UBE2K: variants seen among roughly 807,000 people sequenced by gnomAD.
The protein encoded by UBE2K is ubiquitin conjugating enzyme E2 K.
Under a neutral mutation model 30.0 loss-of-function variants are expected in UBE2K, and 6 were observed. The ratio of observed to expected loss-of-function variants is 0.20; its 90% CI spans 0.11 to 0.39. The LOEUF (loss-of-function observed/expected upper bound fraction) is 0.39, where lower values mean the gene tolerates loss of function less well. Among genes scored for constraint, UBE2K ranks in the 10% least tolerant of loss-of-function variants. The pLI, the probability that UBE2K is intolerant of heterozygous loss-of-function variation, is 1.00. For synonymous variants in UBE2K, 86 were observed against 83.7 expected (o/e 1.03, Z -0.15); for missense variants, 61 against 241.6 (o/e 0.25, Z 4.96).
chr4:39,715,183 G>A (rs866106609), intron 1 of UBE2K, among the ~76,000 whole-genome samples: 11 of 151,440 alleles, frequency 7.3e-5, no homozygotes, highest in South Asian at 4.2e-4. Flanking sequence ...CCGCCACCAC[G>A]CCCGGATAAT....
At chr4:39,739,716 AT>A (rs777430297) in intron 2 of UBE2K, among the ~76,000 whole-genome samples, 2 of 152,030 alleles carry the variant, frequency 1.3e-5, no homozygotes, top group Admixed American at 6.6e-5. Flanking sequence ...AAGTGCTGAG[AT>A]TACAGGCGTG....
chr4:39,752,952 T>G (rs920069719), intron 3 of UBE2K, among the ~76,000 whole-genome samples: 3 of 152,022 alleles, frequency 2.0e-5, no homozygotes, highest in Non-Finnish European at 4.4e-5. Context: ...CCCAGAAGGT[T>G]AGGACTGCAG....
chr4:39,748,637 AAAAAG>A (rs1721102908), intron 3 of UBE2K, among the ~76,000 whole-genome samples: 1 of 150,908 alleles, frequency 6.6e-6, no homozygotes, highest in African/African-American at 2.4e-5. Context: ...AAAAAAAAAG[AAAAAG>A]AAAAGCCTCT....
intron 4 of UBE2K, chr4:39,770,903 C>T: frequency 6.5e-7 from 1 of 1,548,460 alleles, no homozygotes; most frequent in Non-Finnish European, 8.7e-7. Flanking sequence ...GCTTCACTGG[C>T]CGCAGGAGTG....
chr4:39,742,890 A>G (rs1027824047), intron 2 of UBE2K, among the ~76,000 whole-genome samples: 12 of 152,162 alleles, frequency 7.9e-5, no homozygotes, highest in Admixed American at 7.9e-4. Context: ...TACTAAAAAT[A>G]CAAAAATTAG....
At chr4:39,746,437 A>G (rs1034446340) in intron 3 of UBE2K, among the ~76,000 whole-genome samples, 6 of 152,248 alleles carry the variant, frequency 3.9e-5, no homozygotes, top group East Asian at 3.9e-4. Context: ...TAGGCATTCA[A>G]CTTTATTCCC....
intron 4 of UBE2K, among the ~76,000 whole-genome samples, chr4:39,773,514 A>G (rs1006667279): frequency 6.6e-6 from 1 of 152,066 alleles, no homozygotes; most frequent in South Asian, 2.1e-4. Context: ...GTTTCATAGT[A>G]TCTTGTTTTT....
rs1560367795 is a variant in UBE2K, at chr4:39,752,329, TTTTTTC to T, written c.217-3322_217-3317del. 1.8e-4 allele frequency among the ~76,000 whole-genome samples: 19 copies of T among 102,776 alleles called. 1 individual carries two copies. The highest frequency in any genetic ancestry group is 6.4e-4 in the African/African-American group (17 of 26,750). The allele number at this position is 102,776 out of a possible 152,430, so 67.4% of individuals were successfully genotyped here. ...CTGGCTAATTTTTTTTTTTTTCTTT[TTTTTTC>T]TTTTTTTTTTTTTTTTTTTGAGACG... On this transcript the variant is annotated intron_variant, in intron 3 of 6. Transcript: ENST00000261427.
chr4:39,770,255 C>T lies in UBE2K; in HGVS notation c.300-4579C>T, dbSNP rs552429880. ...CCGAGTGCAGGTTGAGGTGGTCGTGCAGGGTGGACTTCTGTGTGAAGCACT... is the reference window on the plus strand; with the variant it reads ...CCGAGTGCAGGTTGAGGTGGTCGTGTAGGGTGGACTTCTGTGTGAAGCACT... On this transcript the variant is annotated intron_variant, in intron 4 of 6. Transcript: ENST00000261427. The T allele has an allele frequency of 1.0e-5, 16 of 1,605,642 alleles. No homozygotes were observed. In the South Asian group the frequency reaches 1.7e-4, roughly 17 times the overall value.
At position 39,715,150 on chromosome 4, in the gene UBE2K, C is replaced by T. The variant is rs955437584; in HGVS notation, c.63+16760C>T. On this transcript the variant is annotated intron_variant, in intron 1 of 6. Coordinates refer to ENST00000261427, the MANE Select transcript of UBE2K (RefSeq NM_005339.5). ...ACGCCATTCTTCTGCCTCAGCCTCCCGAGTAGCTGGGACTACAGGCGCCCG... is the reference window on the plus strand; with the variant it reads ...ACGCCATTCTTCTGCCTCAGCCTCCTGAGTAGCTGGGACTACAGGCGCCCG... 4.6e-5 allele frequency among the ~76,000 whole-genome samples: 7 copies of T among 151,568 alleles called. No individual in the cohort carries two copies. In the South Asian group the frequency reaches 1.0e-3, roughly 23 times the overall value.
chr4:39,702,221 CTTTTCTTTTCTTTTTTTTTTT>C (rs1718055849), intron 1 of UBE2K, among the ~76,000 whole-genome samples: 1 of 58,644 alleles, frequency 1.7e-5, no homozygotes. Flanking sequence ...CTTTTCTTTT[CTTTTCTTTTCTTTTTTTTTTT>C]TTTTTTTTTT....
At chr4:39,705,778 C>T (rs1718323030) in intron 1 of UBE2K, among the ~76,000 whole-genome samples, 1 of 152,018 alleles carries the variant, frequency 6.6e-6, no homozygotes, top group African/African-American at 2.4e-5. Flanking sequence ...ACCTCCGCCT[C>T]CCAGGTTCAA....
chr4:39,771,305 G>C (rs201711691), intron 4 of UBE2K: 49 of 1,611,908 alleles, frequency 3.0e-5, no homozygotes, highest in Non-Finnish European at 3.9e-5. Flanking sequence ...TTGTGGCCTC[G>C]AAACTTGAGG....
intron 1 of UBE2K, among the ~76,000 whole-genome samples, chr4:39,717,654 C>G (rs1007514756): frequency 6.6e-6 from 1 of 152,216 alleles, no homozygotes; most frequent in African/African-American, 2.4e-5. Flanking sequence ...AACCTTTATA[C>G]TGTTGTTCTT....
At chr4:39,760,176 CAAAAAAA>C (rs71194913) in intron 4 of UBE2K, among the ~76,000 whole-genome samples, 2 of 77,184 alleles carry the variant, frequency 2.6e-5, no homozygotes, top group Non-Finnish European at 4.5e-5. Context: ...GACTCTGTCA[CAAAAAAA>C]AAAAAAAAAC....
chr4:39,714,289 G>T, intron 1 of UBE2K: 1 of 203,626 alleles, frequency 4.9e-6, no homozygotes, highest in South Asian at 1.0e-4. Context: ...GAACCTTTAT[G>T]AGCTGCCTGC....
At chr4:39,726,104 T>A (rs1008381609) in intron 1 of UBE2K, among the ~76,000 whole-genome samples, 3 of 152,180 alleles carry the variant, frequency 2.0e-5, no homozygotes, top group Non-Finnish European at 2.9e-5. Context: ...TTTCTGTTGG[T>A]TTGCCAGCGT....
At position 39,755,750 on chromosome 4, in the gene UBE2K, T is replaced by C; in HGVS notation, c.299+11T>C. ...CCTGAAAGATCAATGGTAAGAGATT[T>C]TGAATTCACCTTCTCTCCTTCTCAT... On this transcript the variant is annotated intron_variant, in intron 4 of 6. Transcript: ENST00000261427. 1 of 1,578,820 alleles carries C rather than the reference T, an allele frequency of 6.3e-7. No homozygotes were observed. The highest frequency in any genetic ancestry group is 8.6e-7 in the Non-Finnish European group (1 of 1,160,966).
chr4:39,762,397 G>A (rs916438037), intron 4 of UBE2K, among the ~76,000 whole-genome samples: 5 of 151,924 alleles, frequency 3.3e-5, no homozygotes, highest in African/African-American at 9.7e-5. Context: ...GGTGTGGTAG[G>A]CTGTTTTTGC....
Sources: gnomAD v4.1 joint callset for allele counts (sites outside exome capture counted in the v4.1 genomes callset) on GRCh38, gnomAD v4.1.1 for gene constraint, MANE v1.5 for transcripts, NCBI Gene and HGNC (gene_info 2026-07-23, HGNC 2026-07-21) for gene names.